The following SLC36A1 variants were observed in gnomAD, a reference collection of about 807,000 sequenced individuals.
SLC36A1 encodes solute carrier family 36 member 1.
SLC36A1 carries 30 observed loss-of-function variants against 47.5 expected under a neutral mutation model. That is an observed-to-expected ratio of 0.63 (90% CI 0.47 to 0.86). The LOEUF (loss-of-function observed/expected upper bound fraction) is 0.86. Ranked by LOEUF, SLC36A1 falls within the 40% of genes least tolerant of loss-of-function variation. The probability of loss-of-function intolerance (pLI) is 0.00; values close to 1 mark genes in which losing one functional copy is unlikely to be tolerated. For missense variants in SLC36A1, 517 were observed against 606.0 expected, an observed-to-expected ratio of 0.85 and a Z score of 1.54; for synonymous variants, 255 against 249.7, an observed-to-expected ratio of 1.02 and a Z score of -0.20.
the SLC36A1 span, among the ~76,000 whole-genome samples, chr5:151,388,851 T>A: frequency 6.6e-6 from 1 of 152,122 alleles, no homozygotes; most frequent in Admixed American, 6.6e-5. Context: ...ATATGCCTCA[T>A]CTATAAAATG....
chr5:151,351,382 CA>C, the SLC36A1 span, among the ~76,000 whole-genome samples: 813 of 127,648 alleles, frequency 6.4e-3, 3 homozygotes, highest in African/African-American at 0.011. Context: ...AACTCTGTCT[CA>C]AAAAAAAAAA....
At chr5:151,523,727 C>G in the SLC36A1 span, among the ~76,000 whole-genome samples, 2 of 152,156 alleles carry the variant, frequency 1.3e-5, no homozygotes, top group Admixed American at 6.5e-5. Context: ...TGAGGGCCAT[C>G]TACCAATCCT....
At chr5:151,549,367 C>T in the SLC36A1 span, 9 of 1,613,950 alleles carry the variant, frequency 5.6e-6, no homozygotes, top group African/African-American at 1.3e-5. Flanking sequence ...TGCAGCAGCT[C>T]TGTGCCGGGG....
At chr5:151,416,391 G>T in the SLC36A1 span, among the ~76,000 whole-genome samples, 1 of 152,188 alleles carries the variant, frequency 6.6e-6, no homozygotes, top group Non-Finnish European at 1.5e-5. Context: ...AGAGCCAATA[G>T]AAGTGAGGAA....
chr5:151,441,523 G>A (rs79898462), intron 1 of SLC36A1, among the ~76,000 whole-genome samples: 3 of 152,048 alleles, frequency 2.0e-5, no homozygotes, highest in African/African-American at 7.2e-5. Context: ...AAAACAATAA[G>A]TACTGGTATT....
chr5:151,527,497 C>G, the SLC36A1 span: 1 of 903,350 alleles, frequency 1.1e-6, no homozygotes, highest in Non-Finnish European at 1.6e-6. Flanking sequence ...ATGCCCACCC[C>G]CACTGCCCAC....
At chr5:151,374,319 G>T in the SLC36A1 span, among the ~76,000 whole-genome samples, 169 of 152,322 alleles carry the variant, frequency 1.1e-3, 1 homozygote, top group Non-Finnish European at 1.9e-3. Context: ...CAGGCCGCCT[G>T]CACCCAGGAG....
intron 9 of SLC36A1, among the ~76,000 whole-genome samples, chr5:151,478,301 G>C (rs7700762): frequency 1.3e-5 from 2 of 152,148 alleles, no homozygotes; most frequent in Non-Finnish European, 1.5e-5. Flanking sequence ...TTTGCTTAGG[G>C]ACAGAGACCT....
At chr5:151,441,498 G>A (rs1308907211) in intron 1 of SLC36A1, among the ~76,000 whole-genome samples, 2 of 152,046 alleles carry the variant, frequency 1.3e-5, no homozygotes, top group Non-Finnish European at 2.9e-5. Flanking sequence ...ATTGTGAAGA[G>A]TAAAAGTCTT....
chr5:151,497,812 G>A, the SLC36A1 span, among the ~76,000 whole-genome samples: 1 of 152,108 alleles, frequency 6.6e-6, no homozygotes, highest in Non-Finnish European at 1.5e-5. Context: ...AACTAAAAAT[G>A]TCTCCAGAAT....
At chr5:151,517,265 T>G in the SLC36A1 span, among the ~76,000 whole-genome samples, 1 of 152,254 alleles carries the variant, frequency 6.6e-6, no homozygotes, top group Non-Finnish European at 1.5e-5. Flanking sequence ...CCATGGGGTT[T>G]GAGCACCCCC....
the SLC36A1 span, among the ~76,000 whole-genome samples, chr5:151,350,142 C>T: frequency 6.6e-6 from 1 of 152,060 alleles, no homozygotes; most frequent in Non-Finnish European, 1.5e-5. Flanking sequence ...CACCACCCTC[C>T]CCCGGCCCCG....
At chr5:151,434,802 G>A (rs1759673205), upstream of SLC36A1, among the ~76,000 whole-genome samples, 1 of 152,122 alleles carries the variant, frequency 6.6e-6, no homozygotes, top group Non-Finnish European at 1.5e-5. Flanking sequence ...CCACATGGAA[G>A]CCAGGAAGTG....
the SLC36A1 span, among the ~76,000 whole-genome samples, chr5:151,402,415 G>A: frequency 7.2e-5 from 11 of 152,200 alleles, no homozygotes; most frequent in African/African-American, 2.6e-4. Context: ...GAGGATTTTT[G>A]TGTCAATGTT....
At chr5:151,523,384 A>G in the SLC36A1 span, among the ~76,000 whole-genome samples, 10 of 152,200 alleles carry the variant, frequency 6.6e-5, no homozygotes, top group Non-Finnish European at 1.5e-4. Context: ...CCTTCTTATG[A>G]GATAGGTACT....
chr5:151,417,195 A>C, the SLC36A1 span, among the ~76,000 whole-genome samples: 1 of 152,234 alleles, frequency 6.6e-6, no homozygotes, highest in African/African-American at 2.4e-5. Context: ...GAAAATGTGG[A>C]AATTATTTTG....
upstream of SLC36A1, among the ~76,000 whole-genome samples, chr5:151,447,364 C>T (rs1183059170): frequency 6.6e-6 from 1 of 152,222 alleles, no homozygotes; most frequent in Non-Finnish European, 1.5e-5. Context: ...TTCACAAACC[C>T]ACAACTCAAG....
chr5:151,537,278 G>T, the SLC36A1 span, among the ~76,000 whole-genome samples: 172 of 148,224 alleles, frequency 1.2e-3, 1 homozygote, highest in Middle Eastern at 7.4e-3. Context: ...TGGTGGTGGT[G>T]GAGGAGGAGG....
chr5:151,542,941 C>T, the SLC36A1 span: 1 of 1,614,202 alleles, frequency 6.2e-7, no homozygotes, highest in Non-Finnish European at 8.5e-7. Context: ...AGGTGTAGTG[C>T]CCCGCACTAG....
Sources: allele counts gnomAD v4.1 joint callset (sites outside exome capture counted in the v4.1 genomes callset), GRCh38; gene constraint gnomAD v4.1.1; transcripts MANE v1.5; gene names NCBI Gene and HGNC (gene_info 2026-07-23, HGNC 2026-07-21).